The following SDK2 variants were observed in gnomAD, a reference collection of about 807,000 sequenced individuals.
The protein encoded by SDK2 is protein sidekick-2.
In SDK2, 105 loss-of-function variants were observed where a neutral mutation model predicts 253.9. The ratio of observed to expected loss-of-function variants is 0.41; its 90% CI spans 0.35 to 0.49. The LOEUF (loss-of-function observed/expected upper bound fraction) is 0.49, where lower values mean the gene tolerates loss of function less well. Among genes scored for constraint, SDK2 ranks in the 20% least tolerant of loss-of-function variants. The pLI is 0.06. For missense variants in SDK2, 2,608 were observed against 3,003.0 expected (o/e 0.87, Z 3.07); for synonymous variants, 1,249 against 1,234.9 (o/e 1.01, Z -0.24).
At chr17:73,592,417 C>G (rs957307333) in intron 1 of SDK2, among the ~76,000 whole-genome samples, 2 of 152,214 alleles carry the variant, frequency 1.3e-5, no homozygotes, top group African/African-American at 4.8e-5. Context: ...AGAACCCAGC[C>G]AAAGAGGGAG....
Position 73,431,599 on chromosome 17 carries a change from G to A in SDK2, c.1383C>T (p.Leu461=), listed in dbSNP as rs770142927. Residue 461 remains leucine, a synonymous_variant, in exon 11 of 45, where the codon CTC becomes CTT. Transcript: ENST00000392650. This position sits in a 1 kb window ranked among gnomAD's most constrained non-coding sequence, Gnocchi z 5.6. ...CATCGGAGATGTGTGTGGGGCTGATGAGGAGGCTGCCCGACTCCAGGGGTG... is the reference window on the plus strand; with the variant it reads ...CATCGGAGATGTGTGTGGGGCTGATAAGGAGGCTGCCCGACTCCAGGGGTG... The part of the protein sequence containing the change: ...RFTPLESGSL[L]ISPTHISDAG... 9 of 1,613,654 alleles carry A rather than the reference G, an allele frequency of 5.6e-6. No individual in the cohort carries two copies. In the South Asian group the frequency reaches 8.8e-5, roughly 16 times the overall value.
chr17:73,402,487 T>A (rs1449309662), intron 18 of SDK2, among the ~76,000 whole-genome samples: 2 of 152,254 alleles, frequency 1.3e-5, no homozygotes, highest in Non-Finnish European at 2.9e-5. Context: ...AATTTAGCCC[T>A]TGTTCAAAAA....
Position 73,575,357 on chromosome 17 carries a change from G to A in SDK2, c.65-67760C>T, listed in dbSNP as rs532629417. Among the ~76,000 whole-genome samples the A allele has an allele frequency of 1.2e-4, 18 of 152,354 alleles. 1 individual carries two copies. In the South Asian group the frequency reaches 1.2e-3, roughly 11 times the overall value. On this transcript the variant is annotated intron_variant, in intron 1 of 44. Coordinates refer to ENST00000392650, the MANE Select transcript of SDK2 (RefSeq NM_001144952.2). Reference sequence around the variant, plus strand: ...AATCACTCCAGGGCTCTCAGAAGGAGCCACTCTGAACCAGCACTTCATTCT... The same window carrying A: ...AATCACTCCAGGGCTCTCAGAAGGAACCACTCTGAACCAGCACTTCATTCT...
intron 3 of SDK2, among the ~76,000 whole-genome samples, chr17:73,464,531 C>T (rs2063584549): frequency 6.6e-6 from 1 of 152,244 alleles, no homozygotes; most frequent in African/African-American, 2.4e-5. Context: ...AAAGCACTGA[C>T]CACAGCTTAG....
At chr17:73,339,596 T>C (rs569117705) in intron 44 of SDK2, among the ~76,000 whole-genome samples, 13 of 152,158 alleles carry the variant, frequency 8.5e-5, no homozygotes, top group Non-Finnish European at 1.6e-4. Context: ...ATCACTGTGT[T>C]GCCCAGGCTG....
chr17:73,420,769 G>A (rs1235545353), intron 15 of SDK2, among the ~76,000 whole-genome samples: 3 of 152,112 alleles, frequency 2.0e-5, no homozygotes, highest in Middle Eastern at 3.2e-3. Flanking sequence ...TCCGTCTCCC[G>A]GGTTCAAGCA....
chr17:73,474,007 A>AT (rs1023845248), intron 2 of SDK2, among the ~76,000 whole-genome samples: 1 of 152,112 alleles, frequency 6.6e-6, no homozygotes, highest in African/African-American at 2.4e-5. Flanking sequence ...TTTTAAAAAC[A>AT]TTTTTCCTTC....
At chr17:73,604,160 G>T (rs1171085280) in intron 1 of SDK2, among the ~76,000 whole-genome samples, 1 of 152,244 alleles carries the variant, frequency 6.6e-6, no homozygotes, top group Non-Finnish European at 1.5e-5. Flanking sequence ...GTTTCCAGGT[G>T]GGGGTCCGTG....
chr17:73,412,861 T>A (rs994971493), intron 18 of SDK2, among the ~76,000 whole-genome samples: 1 of 152,148 alleles, frequency 6.6e-6, no homozygotes, highest in African/African-American at 2.4e-5. Context: ...GAGGTTGCAG[T>A]GAGCCAAGAT....
In SDK2 at chr17:73,496,110, G is replaced by T. The variant is rs1471246917; in HGVS notation, c.224+11328C>A. Among the ~76,000 whole-genome samples, 1 of 152,178 alleles carries T rather than the reference G, an allele frequency of 6.6e-6. No homozygotes were observed. Among genetic ancestry groups the T allele is most frequent in the Non-Finnish European group, 1.5e-5 (1 of 68,034 alleles). ...GAACCGTGGCCAGGAAGAATGAGGTGGGAGGAGCCTGCCCTGCTGGGTGGG... is the reference window on the plus strand; with the variant it reads ...GAACCGTGGCCAGGAAGAATGAGGTTGGAGGAGCCTGCCCTGCTGGGTGGG... On this transcript the variant is annotated intron_variant, in intron 2 of 44. Transcript: ENST00000392650. This position sits in a 1 kb window ranked among gnomAD's most constrained non-coding sequence, Gnocchi z 4.7.
chr17:73,566,292 T>C (rs1227938553), intron 1 of SDK2, among the ~76,000 whole-genome samples: 1 of 150,322 alleles, frequency 6.7e-6, no homozygotes, highest in Admixed American at 6.7e-5. Flanking sequence ...TCCAGAACTA[T>C]AAGCCAAATA....
chr17:73,406,401 G>A (rs7219084), intron 18 of SDK2, among the ~76,000 whole-genome samples: 9,536 of 151,916 alleles, frequency 0.063, 1,006 homozygotes, highest in African/African-American at 0.22. Flanking sequence ...CTGCCATCAC[G>A]CCCAGCTAAT....
intron 36 of SDK2, 102 bp from the exon 37 acceptor site, chr17:73,368,695 G>T: frequency 9.6e-7 from 1 of 1,039,264 alleles, no homozygotes; most frequent in Non-Finnish European, 1.4e-6. Flanking sequence ...ATTGCTGTGA[G>T]TCACCTGGGA....
rs765448679 is a variant in SDK2 at position 73,507,420 on chromosome 17, C to A, written c.224+18G>T. The A allele has an allele frequency of 2.6e-6, 4 of 1,545,310 alleles. No homozygotes were observed. In the East Asian group the frequency reaches 9.8e-5, roughly 38 times the overall value. On this transcript the variant is annotated intron_variant, in intron 2 of 44. Coordinates refer to ENST00000392650, the MANE Select transcript of SDK2 (RefSeq NM_001144952.2). ...TGGTCCTGGCAGCCAGGAGGAAGGG[C>A]GGGGAGGGGCAGTTTACCTGTATTC...
rs778809140 is a variant in SDK2 at position 73,643,894 on chromosome 17, C to T, written c.64+131G>A. On this transcript the variant is annotated intron_variant, in intron 1 of 44. Transcript: ENST00000392650. This position sits in a 1 kb window ranked among gnomAD's most constrained non-coding sequence, Gnocchi z 6.9. ...TGGGAGATGGGGTGTCTTGAAACTC[C>T]CTGGAGAGGGCTCTGCCACGGCTAA... 2.5e-6 allele frequency: 2 copies of T among 784,904 alleles called. No homozygotes were observed. The highest frequency in any genetic ancestry group is 4.2e-6 in the Non-Finnish European group (2 of 481,164). The allele number at this position is 784,904 out of a possible 1,614,324, so 48.6% of individuals were successfully genotyped here.
chr17:73,526,510 A>G (rs2064127206), intron 1 of SDK2, among the ~76,000 whole-genome samples: 1 of 152,214 alleles, frequency 6.6e-6, no homozygotes, highest in South Asian at 2.1e-4. Flanking sequence ...CAATGAATCA[A>G]TGAATGAATG....
chr17:73,575,912 A>C, intron 1 of SDK2, among the ~76,000 whole-genome samples: 1 of 152,152 alleles, frequency 6.6e-6, no homozygotes, highest in East Asian at 1.9e-4. Context: ...AGGAGGTATA[A>C]AAAGGGAGAG....
At chr17:73,615,433 C>T (rs546397396) in intron 1 of SDK2, among the ~76,000 whole-genome samples, 14 of 152,306 alleles carry the variant, frequency 9.2e-5, no homozygotes, top group Non-Finnish European at 1.8e-4. Flanking sequence ...AGCTGCAAAG[C>T]AAGTCTCTTT....
In SDK2 at chr17:73,430,518, T is replaced by C. The variant is rs1420242384; in HGVS notation, c.1576A>G (p.Thr526Ala). The C allele has an allele frequency of 6.2e-7, 1 of 1,606,758 alleles. No homozygotes were observed. The highest frequency in any genetic ancestry group is 8.5e-7 in the Non-Finnish European group (1 of 1,176,224). The stretch of plus-strand genomic sequence containing the variant: ...CAACAGCAGAGCCAGTACCTGATGG[T>C]TACTCGGGGGTCGTGGGTCACTCCG... ...VCGVTHDPRV[T>A]IRYIWEKDGA... The change falls in exon 12 of 45, where the codon ACC becomes GCC. Residue 526 changes from threonine to alanine, a missense_variant. Thr to Ala is a moderately conservative substitution (Grantham distance 58, BLOSUM62 0). This residue lies in a region of SDK2 where 1,505 missense variants were observed against 1,859.1 expected (regional missense o/e 0.81). Coordinates refer to ENST00000392650, the MANE Select transcript of SDK2 (RefSeq NM_001144952.2).
Sources: allele counts gnomAD v4.1 joint callset (sites outside exome capture counted in the v4.1 genomes callset), GRCh38; gene constraint gnomAD v4.1.1; regional missense constraint gnomAD v4.1.1; non-coding constraint Gnocchi (gnomAD v3.1); transcripts MANE v1.5; gene names NCBI Gene and HGNC (gene_info 2026-07-23, HGNC 2026-07-21).